SLC15A5: variants seen among roughly 807,000 people sequenced by gnomAD.
SLC15A5 encodes Peptide/histidine transporter ENSP00000340402.
A neutral mutation model predicts 56.1 loss-of-function variants in SLC15A5; 58 were observed. The ratio of observed to expected loss-of-function variants is 1.03; its 90% CI spans 0.84 to 1.29. The LOEUF (loss-of-function observed/expected upper bound fraction) is 1.29, where lower values mean the gene tolerates loss of function less well. Ranked by LOEUF, SLC15A5 falls within the 50% of genes most tolerant of loss-of-function variation. The probability of loss-of-function intolerance (pLI) is 0.00; values close to 1 mark genes in which losing one functional copy is unlikely to be tolerated. For synonymous variants in SLC15A5, 264 were observed against 250.5 expected, an observed-to-expected ratio of 1.05 and a Z score of -0.51; for missense variants, 681 against 672.1, an observed-to-expected ratio of 1.01 and a Z score of -0.15.
chr12:16,277,652 T>A lies in SLC15A5; in HGVS notation c.34A>T (p.Lys12Ter), dbSNP rs971621010. The part of the protein sequence containing the change: ...SVTGFTITDE[K>*]VHLYHSIEKE... ...TCAATGCTGTGATATAAGTGTACTT[T>A]CTCATCAGTTATGGTAAAGCCTGTA... is the stretch of plus-strand genomic sequence containing the variant. Residue 12 changes from lysine to a stop codon, truncating the protein, a stop_gained, in exon 1 of 9, where the codon AAA (lysine) becomes TAA (stop). Coordinates refer to ENST00000344941, the MANE Select transcript of SLC15A5 (RefSeq NM_001170798.1). LOFTEE classifies it high-confidence loss of function. The A allele has an allele frequency of 1.1e-5, 17 of 1,535,606 alleles. No individual in the cohort carries two copies. The African/African-American group carries it at 2.3e-4, about 21-fold the overall frequency.
chr12:16,191,524 G>C (rs1011590285), intron 8 of SLC15A5, among the ~76,000 whole-genome samples: 1 of 152,086 alleles, frequency 6.6e-6, no homozygotes, highest in African/African-American at 2.4e-5. Context: ...TTGCATATGT[G>C]CTGAGATTAA....
chr12:16,200,444 C>G (rs1252715248), intron 7 of SLC15A5, among the ~76,000 whole-genome samples: 1 of 151,842 alleles, frequency 6.6e-6, no homozygotes, highest in Admixed American at 6.6e-5. Context: ...TTATCAATGA[C>G]TATAACACAC....
chr12:16,195,559 A>G (rs1229989914), intron 7 of SLC15A5, among the ~76,000 whole-genome samples: 3 of 152,166 alleles, frequency 2.0e-5, no homozygotes, highest in Non-Finnish European at 2.9e-5. Context: ...GACACCAATG[A>G]CAAGGTTTCA....
At position 16,196,705 on chromosome 12, in the gene SLC15A5, A is replaced by G. The variant is rs1172938772; in HGVS notation, c.1484-2252T>C. ...TGCACAGAGTATGTGAAGCTTCAGA[A>G]TTAACATGACATTAATTCTTCTTGG... On this transcript the variant is annotated intron_variant, in intron 7 of 8. Coordinates refer to ENST00000344941, the MANE Select transcript of SLC15A5 (RefSeq NM_001170798.1). The surrounding 1 kb of genome is among the most constrained non-coding windows in gnomAD (Gnocchi z 4.0). Among the ~76,000 whole-genome samples, 3 of 152,148 alleles carry G rather than the reference A, an allele frequency of 2.0e-5. No individual in the cohort carries two copies. Among genetic ancestry groups the G allele is most frequent in the East Asian group, 3.9e-4 (2 of 5,186 alleles).
At position 16,242,285 on chromosome 12, in the gene SLC15A5, G is replaced by A. The variant is rs190847931; in HGVS notation, c.975+2295C>T. On this transcript the variant is annotated intron_variant, in intron 4 of 8. Transcript: ENST00000344941. The stretch of plus-strand genomic sequence containing the variant: ...TTGGAAATTCCTCTGCCTCCCTGGT[G>A]AAGTATGATCTAAGCATTTTCTTTG... Among the ~76,000 whole-genome samples the A allele has an allele frequency of 8.0e-5, 12 of 150,806 alleles. No individual in the cohort carries two copies. The East Asian group carries it at 9.7e-4, about 12-fold the overall frequency.
rs144563742 is a variant in SLC15A5 at position 16,219,008 on chromosome 12, G to A, written c.1352-1984C>T. 3.4e-3 allele frequency among the ~76,000 whole-genome samples: 510 copies of A among 152,098 alleles called. 3 individuals are homozygous for A. The highest frequency in any genetic ancestry group is 0.011 in the African/African-American group (472 of 41,510). On this transcript the variant is annotated intron_variant, in intron 6 of 8. Coordinates refer to ENST00000344941, the MANE Select transcript of SLC15A5 (RefSeq NM_001170798.1). ...TTTCGGTGTGTCCTGCACATGTCTT[G>A]ATTTATTTATCCCATAAAGATTTAA...
At position 16,271,718 on chromosome 12, in the gene SLC15A5, C is replaced by G. The variant is rs995812459; in HGVS notation, c.584+843G>C. 3.5e-4 allele frequency among the ~76,000 whole-genome samples: 54 copies of G among 152,194 alleles called. No homozygotes were observed. The highest frequency in any genetic ancestry group is 3.2e-4 in the Non-Finnish European group (22 of 67,982). On this transcript the variant is annotated intron_variant, in intron 2 of 8. Transcript: ENST00000344941. This position sits in a 1 kb window ranked among gnomAD's most constrained non-coding sequence, Gnocchi z 8.0. ...CTGTTTGACATCCACTGATAGATAA[C>G]AAAGAATAACAAAGAAGTTTTATAC...
At chr12:16,215,620 C>G (rs910164415) in intron 7 of SLC15A5, among the ~76,000 whole-genome samples, 7 of 152,154 alleles carry the variant, frequency 4.6e-5, no homozygotes, top group Non-Finnish European at 7.4e-5. Context: ...TTAGCTAACA[C>G]AGTTTGAATT....
intron 4 of SLC15A5, among the ~76,000 whole-genome samples, chr12:16,242,085 A>G (rs898620399): frequency 6.6e-6 from 1 of 152,220 alleles, no homozygotes; most frequent in African/African-American, 2.4e-5. Context: ...TGGCAACCTC[A>G]TCAGCCGTAA....
At chr12:16,199,029 C>T (rs951035761) in intron 7 of SLC15A5, among the ~76,000 whole-genome samples, 3 of 151,944 alleles carry the variant, frequency 2.0e-5, no homozygotes, top group Admixed American at 2.0e-4. Context: ...TTAGCCAGGC[C>T]AGCTGCACTC....
chr12:16,275,485 A>C (rs1256327737), intron 1 of SLC15A5, among the ~76,000 whole-genome samples: 1 of 152,030 alleles, frequency 6.6e-6, no homozygotes, highest in African/African-American at 2.4e-5. Context: ...GGTAGAATGG[A>C]GTACAAGCTG....
At chr12:16,236,310 T>C (rs2136255930) in intron 5 of SLC15A5, among the ~76,000 whole-genome samples, 1 of 152,358 alleles carries the variant, frequency 6.6e-6, no homozygotes, top group South Asian at 2.1e-4. Flanking sequence ...AGTTCTGGAT[T>C]TGTAGTGAAT....
chr12:16,216,919 A>T lies in SLC15A5; in HGVS notation c.1457T>A (p.Val486Glu). 1 of 1,536,708 alleles carries T rather than the reference A, an allele frequency of 6.5e-7. No homozygotes were observed. Among genetic ancestry groups the T allele is most frequent in the Non-Finnish European group, 8.7e-7 (1 of 1,146,588 alleles). The change falls in exon 7 of 9, where the codon GTG becomes GAG. Residue 486 changes from valine (V) to glutamate (E), a missense_variant. Physicochemically the swap from Val to Glu is moderately radical, Grantham distance 121. Coordinates refer to ENST00000344941, the MANE Select transcript of SLC15A5 (RefSeq NM_001170798.1). ...GFGCFTGALL[V>E]KLVYLISDGN... ...ATCTGAGATGAGATATACCAACTTC[A>T]CCAGCAGTGCCCCTGTGAAACAGCC...
chr12:16,244,001 A>T (rs372261518), intron 4 of SLC15A5, among the ~76,000 whole-genome samples: 4 of 152,214 alleles, frequency 2.6e-5, no homozygotes, highest in African/African-American at 9.7e-5. Flanking sequence ...TAACCACATT[A>T]AAAAAATTTA....
chr12:16,260,810 A>C (rs1864636618), intron 2 of SLC15A5, among the ~76,000 whole-genome samples: 1 of 151,952 alleles, frequency 6.6e-6, no homozygotes, highest in Middle Eastern at 3.4e-3. Context: ...AAAGTTAATA[A>C]TCTAATTTGA....
In SLC15A5 at chr12:16,239,715, A is replaced by G; in HGVS notation, c.1128T>C (p.Ser376=). The G allele has an allele frequency of 6.5e-7, 1 of 1,537,430 alleles. No homozygotes were observed. The highest frequency in any genetic ancestry group is 2.4e-5 in the East Asian group (1 of 40,920). ...LEYFSTCLFP[S]KRVGSFLSTC... is the part of the protein sequence containing the mutation. ...TTGACAGAAATGATCCAACTCTCTT[A>G]GAGGGAAACAGGCAGGTGCTGAAAT... Residue 376 remains serine (S), a synonymous_variant, in exon 5 of 9, where the codon TCT becomes TCC. Transcript: ENST00000344941.
At chr12:16,252,492 T>C (rs1830187) in intron 3 of SLC15A5, among the ~76,000 whole-genome samples, 68,414 of 151,846 alleles carry the variant, frequency 0.45, 15,633 homozygotes, top group South Asian at 0.62. Context: ...CAAAAATCAG[T>C]TGCATTTCTA....
At chr12:16,251,358 TAG>T (rs1864516821) in intron 3 of SLC15A5, among the ~76,000 whole-genome samples, 1 of 151,134 alleles carries the variant, frequency 6.6e-6, no homozygotes, top group Non-Finnish European at 1.5e-5. Flanking sequence ...ATAAACAAAA[TAG>T]AGAATGGAAA....
intron 7 of SLC15A5, among the ~76,000 whole-genome samples, chr12:16,213,822 G>T (rs190548677): frequency 6.6e-6 from 1 of 152,114 alleles, no homozygotes; most frequent in African/African-American, 2.4e-5. Flanking sequence ...ATGTGTCCTT[G>T]GTAAATTTCC....
Sources: gnomAD v4.1 joint callset for allele counts (sites outside exome capture counted in the v4.1 genomes callset) on GRCh38, gnomAD v4.1.1 for gene constraint, Gnocchi (gnomAD v3.1) non-coding constraint, MANE v1.5 for transcripts, NCBI Gene and HGNC (gene_info 2026-07-23, HGNC 2026-07-21) for gene names.